LRSAM1: variants seen among roughly 807,000 people sequenced by gnomAD.
LRSAM1 encodes leucine rich repeat and sterile alpha motif containing 1, also known as E3 ubiquitin-protein ligase LRSAM1.
A neutral mutation model predicts 118.1 loss-of-function variants in LRSAM1; 96 were observed. The observed-to-expected ratio is 0.81, with a 90% confidence interval of 0.69 to 0.96. The LOEUF (loss-of-function observed/expected upper bound fraction) is 0.96. LRSAM1 is among the 40% of genes least tolerant of loss of function. The pLI is 0.00. For synonymous variants in LRSAM1, 322 were observed against 364.2 expected, an observed-to-expected ratio of 0.88 and a Z score of 1.32; for missense variants, 804 against 915.5, an observed-to-expected ratio of 0.88 and a Z score of 1.57.
chr9:127,490,180 A>G (rs1348134114), intron 19 of LRSAM1, among the ~76,000 whole-genome samples: 1 of 152,182 alleles, frequency 6.6e-6, no homozygotes, highest in African/African-American at 2.4e-5. Flanking sequence ...AGGCTATGGG[A>G]GTACTCCTGC....
chr9:127,495,180 C>T lies in LRSAM1; in HGVS notation c.1600-140C>T, dbSNP rs370404396. ...GTTGGTCAGGCTGGTCTTGAACTCC[C>T]GACCTCAGGTGATCTGCCCACCTTG... On this transcript the variant is annotated intron_variant, in intron 21 of 25. Coordinates refer to ENST00000300417, the MANE Select transcript of LRSAM1 (RefSeq NM_001005373.4). 895 of 681,042 alleles carry T rather than the reference C, an allele frequency of 1.3e-3. 12 individuals are homozygous for T. Among genetic ancestry groups the T allele is most frequent in the African/African-American group, 0.01 (573 of 55,896 alleles). 42.2% of individuals were successfully genotyped at this position (681,042 alleles called of 1,614,324 possible).
chr9:127,501,939 A>G (rs1246645931), intron 25 of LRSAM1, among the ~76,000 whole-genome samples: 2 of 152,222 alleles, frequency 1.3e-5, no homozygotes, highest in Non-Finnish European at 2.9e-5. Context: ...TCCAAATATA[A>G]TCCCTGTTCT....
intron 15 of LRSAM1, 30 bp from the exon 16 acceptor site, chr9:127,482,920 T>G: frequency 4.5e-6 from 7 of 1,547,806 alleles, no homozygotes; most frequent in Non-Finnish European, 6.1e-6. Flanking sequence ...ATGTTAAATT[T>G]GCTGAATGAA....
intron 20 of LRSAM1, among the ~76,000 whole-genome samples, chr9:127,492,096 C>G (rs1328298216): frequency 6.6e-6 from 1 of 152,226 alleles, no homozygotes; most frequent in Non-Finnish European, 1.5e-5. Context: ...GATCCCTGGT[C>G]TCAGGTGCAC....
At chr9:127,462,418 C>T (rs769461961) in intron 9 of LRSAM1, 45 bp downstream of exon 9, 5 of 1,612,590 alleles carry the variant, frequency 3.1e-6, no homozygotes, top group Non-Finnish European at 4.2e-6. Context: ...CTGGCCTGCC[C>T]ACCTCCCCTC....
chr9:127,460,725 TAGG>T (rs1270213016), intron 7 of LRSAM1, among the ~76,000 whole-genome samples: 1 of 151,848 alleles, frequency 6.6e-6, no homozygotes, highest in Admixed American at 6.6e-5. Flanking sequence ...CAAGGGCCGG[TAGG>T]GGGAGATAAG....
In LRSAM1 at chr9:127,488,599, CTT is replaced by C. The variant is rs111724344; in HGVS notation, c.1348-833_1348-832del. Reference sequence around the variant, plus strand: ...TATTTTCCTTTTTTTCTTTTCTTTTCTTTTTTTTTTTTTAAGACAAGGTCTTG... The same window carrying C: ...TATTTTCCTTTTTTTCTTTTCTTTTCTTTTTTTTTTTAAGACAAGGTCTTG... On this transcript the variant is annotated intron_variant, in intron 18 of 25. Transcript: ENST00000300417. Among the ~76,000 whole-genome samples, 219 of 143,428 alleles carry C rather than the reference CTT, an allele frequency of 1.5e-3. 1 individual carries two copies. The highest frequency in any genetic ancestry group is 2.0e-3 in the Non-Finnish European group (131 of 65,774). 94.1% of individuals were successfully genotyped at this position (143,428 alleles called of 152,430 possible).
At chr9:127,466,005 T>C (rs112531092) in intron 9 of LRSAM1, among the ~76,000 whole-genome samples, 3,502 of 148,692 alleles carry the variant, frequency 0.024, 152 homozygotes, top group African/African-American at 0.081. Flanking sequence ...ACAAAAAAAA[T>C]GCAAATATTA....
At position 127,502,151 on chromosome 9, in the gene LRSAM1, G is replaced by A. The variant is rs2245645; in HGVS notation, c.2047-623G>A. On this transcript the variant is annotated intron_variant, in intron 25 of 25. Transcript: ENST00000300417. Reference sequence around the variant, plus strand: ...CCCTGCGTGCCCTCCGGCAGGGGCCGGCGGAATAGGCCTCCGTCGCCTGTC... The same window carrying A: ...CCCTGCGTGCCCTCCGGCAGGGGCCAGCGGAATAGGCCTCCGTCGCCTGTC... 6.0e-3 allele frequency among the ~76,000 whole-genome samples: 911 copies of A among 152,370 alleles called. 7 individuals are homozygous for A. Among genetic ancestry groups the A allele is most frequent in the Non-Finnish European group, 9.4e-3 (637 of 68,032 alleles).
Position 127,458,161 on chromosome 9 carries a change from ACT to A in LRSAM1, c.252+769_252+770del, listed in dbSNP as rs1319410044. On this transcript the variant is annotated intron_variant, in intron 6 of 25. Transcript: ENST00000300417. ...TTTGGGAGGCCAAGGCGGGTGGGTC[ACT>A]TGAGGTCAGGAGTTCAAGACCAGCC... 3.3e-5 allele frequency among the ~76,000 whole-genome samples: 5 copies of A among 151,582 alleles called. No individual in the cohort carries two copies. The East Asian group carries it at 9.7e-4, about 29-fold the overall frequency.
At chr9:127,462,926 T>C (rs1834802781) in intron 9 of LRSAM1, among the ~76,000 whole-genome samples, 1 of 151,912 alleles carries the variant, frequency 6.6e-6, no homozygotes, top group Admixed American at 6.6e-5. Context: ...CTGGGCACCG[T>C]GGCTCACTCC....
At chr9:127,487,209 A>T (rs1330644027) in intron 17 of LRSAM1, among the ~76,000 whole-genome samples, 1 of 150,426 alleles carries the variant, frequency 6.6e-6, no homozygotes, top group Non-Finnish European at 1.5e-5. Context: ...AACAACCAAG[A>T]TGGTGCCAAA....
intron 9 of LRSAM1, among the ~76,000 whole-genome samples, chr9:127,464,402 TCTATTGAGCACCTGGA>T: frequency 9.1e-6 from 1 of 109,858 alleles, no homozygotes; most frequent in South Asian, 2.8e-4. Context: ...GCCACGTGTA[TCTATTGAGCACCTGGA>T]GACCGTGCTG....
intron 20 of LRSAM1, among the ~76,000 whole-genome samples, chr9:127,491,512 G>A (rs1307461203): frequency 1.3e-5 from 2 of 152,194 alleles, no homozygotes; most frequent in African/African-American, 2.4e-5. Flanking sequence ...AGCCTGTTGC[G>A]AGGCAGGAGG....
intron 20 of LRSAM1, 148 bp downstream of exon 20, chr9:127,491,443 C>T (rs1835930102): frequency 1.4e-6 from 1 of 693,100 alleles, no homozygotes; most frequent in Non-Finnish European, 2.6e-6. Flanking sequence ...GTGGCTGTGA[C>T]ACCAGAGGAC....
intron 12 of LRSAM1, 69 bp downstream of exon 12, chr9:127,479,032 T>C (rs538689892): frequency 2.0e-6 from 3 of 1,510,210 alleles, no homozygotes; most frequent in Admixed American, 1.7e-5. Context: ...TCATAAAATA[T>C]TTGAGAAAAT....
chr9:127,470,657 C>T (rs1313142366), intron 10 of LRSAM1, among the ~76,000 whole-genome samples: 1 of 152,096 alleles, frequency 6.6e-6, no homozygotes, highest in Admixed American at 6.6e-5. Context: ...GTTTTATACT[C>T]AATGTGTGGA....
At chr9:127,488,612 T>A (rs1835817917) in intron 18 of LRSAM1, among the ~76,000 whole-genome samples, 1 of 141,362 alleles carries the variant, frequency 7.1e-6, no homozygotes, top group African/African-American at 2.6e-5. Flanking sequence ...TTTTTTTTTT[T>A]AAGACAAGGT....
In LRSAM1 at chr9:127,455,612, C is replaced by T. The variant is rs1307489046; in HGVS notation, c.166C>T (p.Gln56Ter). Residue 56 changes from glutamine (Q) to a stop codon, truncating the protein, a stop_gained, in exon 5 of 26, where the codon CAG (glutamine) becomes TAG (stop). Coordinates refer to ENST00000300417, the MANE Select transcript of LRSAM1 (RefSeq NM_001005373.4). LOFTEE classifies it high-confidence loss of function. The part of the protein sequence containing the change: ...FGAFATCKVL[Q>*]KKVLIVHTNH... ...AGCTTTTGCAACATGCAAAGTTCTG[C>T]AGAAGAAGGTAAGATGGAGCTTCAT... 2 of 1,613,608 alleles carry T rather than the reference C, an allele frequency of 1.2e-6. No individual in the cohort carries two copies. Among genetic ancestry groups the T allele is most frequent in the Non-Finnish European group, 1.7e-6 (2 of 1,180,006 alleles).
Sources: allele counts gnomAD v4.1 joint callset (sites outside exome capture counted in the v4.1 genomes callset), GRCh38; gene constraint gnomAD v4.1.1; transcripts MANE v1.5; gene names NCBI Gene and HGNC (gene_info 2026-07-23, HGNC 2026-07-21).